The following EVA1C variants were observed in gnomAD, a reference collection of about 807,000 sequenced individuals.
EVA1C encodes the protein protein eva-1 homolog C.
In EVA1C, 25 loss-of-function variants were observed where a neutral mutation model predicts 45.4. The observed-to-expected ratio is 0.55, with a 90% CI of 0.40 to 0.77. The LOEUF is 0.77. Among genes scored for constraint, EVA1C ranks in the 30% least tolerant of loss-of-function variants. EVA1C has a pLI of 0.00. For missense variants in EVA1C, 479 were observed against 554.8 expected, an observed-to-expected ratio of 0.86 and a Z score of 1.37; for synonymous variants, 190 against 221.2, an observed-to-expected ratio of 0.86 and a Z score of 1.25.
chr21:32,468,988 G>C (rs1012353707), intron 4 of EVA1C, among the ~76,000 whole-genome samples: 2 of 152,204 alleles, frequency 1.3e-5, no homozygotes, highest in African/African-American at 4.8e-5. Context: ...TAAAGGGAAA[G>C]TCAAGGGCAG....
chr21:32,486,495 C>T (rs1475103599), intron 4 of EVA1C, among the ~76,000 whole-genome samples: 1 of 152,170 alleles, frequency 6.6e-6, no homozygotes, highest in Non-Finnish European at 1.5e-5. Context: ...ACTGCTTCCT[C>T]TATGCCCCTG....
intron 3 of EVA1C, among the ~76,000 whole-genome samples, chr21:32,463,439 A>T (rs2036070298): frequency 6.6e-6 from 1 of 152,244 alleles, no homozygotes; most frequent in African/African-American, 2.4e-5. Flanking sequence ...CTAATTTTTT[A>T]TAATCCAGAA....
At chr21:32,504,740 T>C (rs2037667969) in intron 7 of EVA1C, among the ~76,000 whole-genome samples, 1 of 152,196 alleles carries the variant, frequency 6.6e-6, no homozygotes. Context: ...CATAACAGTA[T>C]TGCTATTCAA....
intron 3 of EVA1C, among the ~76,000 whole-genome samples, chr21:32,464,346 C>G (rs1320519404): frequency 6.6e-6 from 1 of 152,064 alleles, no homozygotes; most frequent in East Asian, 1.9e-4. Flanking sequence ...CTGCTCCCAG[C>G]CTTTCATTCA....
At chr21:32,469,244 G>A (rs1365211520) in intron 4 of EVA1C, among the ~76,000 whole-genome samples, 1 of 152,232 alleles carries the variant, frequency 6.6e-6, no homozygotes, top group Admixed American at 6.5e-5. Flanking sequence ...TATGTCAGGT[G>A]CAGATGGGAT....
At chr21:32,417,093 A>C (rs2034077909) in intron 1 of EVA1C, among the ~76,000 whole-genome samples, 1 of 152,170 alleles carries the variant, frequency 6.6e-6, no homozygotes, top group Non-Finnish European at 1.5e-5. Flanking sequence ...TAGCCTCCTG[A>C]GTAGCTAGGA....
At chr21:32,453,581 T>A in intron 2 of EVA1C, 73 bp downstream of exon 2, 1 of 1,140,388 alleles carries the variant, frequency 8.8e-7, no homozygotes, top group Non-Finnish European at 1.3e-6. Flanking sequence ...TGGGTATAAA[T>A]ATATTTGTGA....
chr21:32,457,229 C>G (rs1369141982), intron 2 of EVA1C, among the ~76,000 whole-genome samples: 1 of 152,174 alleles, frequency 6.6e-6, no homozygotes, highest in African/African-American at 2.4e-5. Context: ...GGGGACCCCG[C>G]TCGAAGGGGA....
intron 4 of EVA1C, 133 bp from the exon 5 acceptor site, chr21:32,494,894 A>G: frequency 3.1e-6 from 3 of 983,082 alleles, no homozygotes; most frequent in Non-Finnish European, 3.0e-6. Flanking sequence ...TTAATGAGAC[A>G]GAAAATAAGC....
At chr21:32,513,683 C>T (rs960693265) in intron 7 of EVA1C, among the ~76,000 whole-genome samples, 1 of 150,264 alleles carries the variant, frequency 6.7e-6, no homozygotes, top group Non-Finnish European at 1.5e-5. Flanking sequence ...ACTACAAGCA[C>T]GCACCACCAT....
Position 32,442,486 on chromosome 21 carries a change from C to G in EVA1C, c.161-10826C>G, listed in dbSNP as rs1013886764. On this transcript the variant is annotated intron_variant, in intron 1 of 7. Transcript: ENST00000300255. ...CCCCTGACTCATGGCTCCCCACCCC[C>G]CAACCCCATGCCATTGCCAATTCTC... Among the ~76,000 whole-genome samples the G allele has an allele frequency of 2.0e-5, 3 of 152,124 alleles. No individual in the cohort carries two copies. In the East Asian group the frequency reaches 5.8e-4, roughly 29 times the overall value.
chr21:32,450,810 G>A (rs1193517741), intron 1 of EVA1C, among the ~76,000 whole-genome samples: 1 of 152,112 alleles, frequency 6.6e-6, no homozygotes, highest in Non-Finnish European at 1.5e-5. Flanking sequence ...TTGGTGCCTG[G>A]GGGGTACACT....
intron 4 of EVA1C, among the ~76,000 whole-genome samples, chr21:32,477,235 C>CA (rs1222336843): frequency 6.6e-6 from 1 of 152,096 alleles, no homozygotes; most frequent in Admixed American, 6.5e-5. Flanking sequence ...GGTTTCTCTT[C>CA]AAGGCCCTTA....
At chr21:32,425,521 CCA>C (rs1179917872) in intron 1 of EVA1C, among the ~76,000 whole-genome samples, 1 of 151,944 alleles carries the variant, frequency 6.6e-6, no homozygotes, top group Non-Finnish European at 1.5e-5. Context: ...CTCTCAAAAA[CCA>C]TAAACTAAGG....
intron 4 of EVA1C, among the ~76,000 whole-genome samples, chr21:32,479,316 G>A (rs911174319): frequency 5.3e-5 from 8 of 151,868 alleles, no homozygotes; most frequent in East Asian, 3.9e-4. Context: ...CTAGCTACTC[G>A]GGAGGCTGAG....
intron 4 of EVA1C, among the ~76,000 whole-genome samples, chr21:32,468,223 G>T (rs1350340281): frequency 6.6e-6 from 1 of 151,858 alleles, no homozygotes; most frequent in African/African-American, 2.4e-5. Flanking sequence ...ACAAAAATTA[G>T]CCAGGCATGG....
chr21:32,437,761 C>T (rs1441718825), intron 1 of EVA1C, among the ~76,000 whole-genome samples: 20 of 152,312 alleles, frequency 1.3e-4, no homozygotes, highest in Non-Finnish European at 5.9e-5. Context: ...TCCCTACACA[C>T]CCTGCGTTTC....
At chr21:32,458,542 C>T (rs1341322032) in intron 3 of EVA1C, among the ~76,000 whole-genome samples, 4 of 148,118 alleles carry the variant, frequency 2.7e-5, no homozygotes, top group Non-Finnish European at 5.9e-5. Context: ...GAGTGCAATG[C>T]GCAATCTCGG....
chr21:32,507,580 A>ATG (rs748806401), intron 7 of EVA1C, among the ~76,000 whole-genome samples: 5 of 142,792 alleles, frequency 3.5e-5, no homozygotes, highest in Non-Finnish European at 6.1e-5. Context: ...GCATGTGTAT[A>ATG]TGTGTGTGCA....
Sources: allele counts gnomAD v4.1 joint callset (sites outside exome capture counted in the v4.1 genomes callset), GRCh38; gene constraint gnomAD v4.1.1; transcripts MANE v1.5; gene names NCBI Gene and HGNC (gene_info 2026-07-23, HGNC 2026-07-21).